The following HIVEP2 variants were observed in gnomAD, a reference collection of about 807,000 sequenced individuals.
HIVEP2 encodes transcription factor HIVEP2.
HIVEP2 carries 14 observed loss-of-function variants against 180.7 expected under a neutral mutation model. The observed-to-expected ratio is 0.08, with a 90% CI of 0.05 to 0.12. The LOEUF is 0.12. Among genes scored for constraint, HIVEP2 ranks in the 10% least tolerant of loss-of-function variants. HIVEP2 has a pLI of 1.00. For missense variants in HIVEP2, 2,579 were observed against 3,008.5 expected (o/e 0.86, Z 3.34); for synonymous variants, 1,184 against 1,136.4 (o/e 1.04, Z -0.84).
At chr6:142,849,025 C>T (rs1270735547) in intron 1 of HIVEP2, among the ~76,000 whole-genome samples, 1 of 152,204 alleles carries the variant, frequency 6.6e-6, no homozygotes, top group Non-Finnish European at 1.5e-5. Context: ...CTGGTGAAAT[C>T]TATTTTTTCC....
chr6:142,896,171 TA>T (rs975877658), intron 1 of HIVEP2, among the ~76,000 whole-genome samples: 67 of 152,352 alleles, frequency 4.4e-4, no homozygotes, highest in African/African-American at 1.5e-3. Context: ...TAAGAGAGGC[TA>T]ATATAGTCAA....
chr6:142,773,097 T>C lies in HIVEP2; in HGVS notation c.1642A>G (p.Thr548Ala). ...ATAGTTAGATTAGTTGCTGAAGAAG[T>C]TGGCACTGAGTTGCTTCTAATAAGG... ...SPLIRSNSVP[T>A]SSATNLTIPP... The change falls in exon 5 of 10, where the codon ACT becomes GCT. Residue 548 changes from threonine to alanine, a missense_variant. Physicochemically the swap from Thr to Ala is moderately conservative, Grantham distance 58 (BLOSUM62 0). This residue lies in a region of HIVEP2 where 524 missense variants were observed against 563.6 expected (regional missense o/e 0.93). Coordinates refer to ENST00000367603, the MANE Select transcript of HIVEP2 (RefSeq NM_006734.4). 6.2e-7 allele frequency: 1 copy of C among 1,614,236 alleles called. No homozygotes were observed. The highest frequency in any genetic ancestry group is 8.5e-7 in the Non-Finnish European group (1 of 1,180,038).
In HIVEP2 at chr6:142,846,221, C is replaced by G. The variant is rs572447097; in HGVS notation, c.-640-9174G>C. 2.0e-5 allele frequency among the ~76,000 whole-genome samples: 3 copies of G among 151,904 alleles called. No individual in the cohort carries two copies. The South Asian group carries it at 6.3e-4, about 32-fold the overall frequency. ...TGTAAATTCCAAGCACTGGGGAGGT[C>G]TTCTCAGAGATTTTACCCTCTCCTG... On this transcript the variant is annotated intron_variant, in intron 1 of 9. Coordinates refer to ENST00000367603, the MANE Select transcript of HIVEP2 (RefSeq NM_006734.4).
At chr6:142,874,510 T>G (rs1315114919) in intron 1 of HIVEP2, among the ~76,000 whole-genome samples, 1 of 152,132 alleles carries the variant, frequency 6.6e-6, no homozygotes, top group Non-Finnish European at 1.5e-5. Flanking sequence ...ACTGAGTATA[T>G]CCTATATGCT....
In HIVEP2 at chr6:142,772,608, T is replaced by C. The variant is rs1413530289; in HGVS notation, c.2131A>G (p.Met711Val). 1 of 1,614,248 alleles carries C rather than the reference T, an allele frequency of 6.2e-7. No individual in the cohort carries two copies. Among genetic ancestry groups the C allele is most frequent in the Non-Finnish European group, 8.5e-7 (1 of 1,180,038 alleles). The part of the protein sequence containing the change: ...KSVGDEEDTP[M>V]ICSSIVSTPV... Reference sequence around the variant, plus strand: ...GTGCTTACAATGCTGCTGCAGATCATGGGCGTGTCCTCTTCATCCCCTACG... The same window carrying C: ...GTGCTTACAATGCTGCTGCAGATCACGGGCGTGTCCTCTTCATCCCCTACG... Residue 711 changes from methionine to valine, a missense_variant, in exon 5 of 10, where the codon ATG becomes GTG. Met to Val is a conservative substitution (Grantham distance 21, BLOSUM62 1). This residue lies in a region of HIVEP2 where 524 missense variants were observed against 563.6 expected (regional missense o/e 0.93). Coordinates refer to ENST00000367603, the MANE Select transcript of HIVEP2 (RefSeq NM_006734.4). The surrounding 1 kb of genome is among the most constrained non-coding windows in gnomAD (Gnocchi z 4.9).
intron 1 of HIVEP2, among the ~76,000 whole-genome samples, chr6:142,881,491 C>T (rs1349219936): frequency 6.6e-6 from 1 of 152,216 alleles, no homozygotes; most frequent in East Asian, 1.9e-4. Flanking sequence ...GAGTACATTC[C>T]TGTGCATCCT....
chr6:142,828,519 C>G (rs1475133329), intron 2 of HIVEP2, among the ~76,000 whole-genome samples: 1 of 152,094 alleles, frequency 6.6e-6, no homozygotes, highest in East Asian at 1.9e-4. Flanking sequence ...TCACTACAAC[C>G]TCCACCTTCT....
rs1775499116 is a variant in HIVEP2, at chr6:142,770,468, C to T, written c.4271G>A (p.Cys1424Tyr). ...PLGLESSIPLCLPSTSDSVAT... is the reference protein window; with the variant it reads ...PLGLESSIPLYLPSTSDSVAT... The stretch of plus-strand genomic sequence containing the variant: ...CACGCTGTCAGAGGTGGAAGGTAAA[C>T]ACAAGGGGATGGAGGATTCTAAGCC... Residue 1424 changes from cysteine to tyrosine, a missense_variant, in exon 5 of 10, where the codon TGT becomes TAT. Physicochemically the swap from Cys to Tyr is radical, Grantham distance 194 (BLOSUM62 -2). This residue lies in a region of HIVEP2 where 523 missense variants were observed against 577.0 expected (regional missense o/e 0.91). Coordinates refer to ENST00000367603, the MANE Select transcript of HIVEP2 (RefSeq NM_006734.4). The surrounding 1 kb of genome is among the most constrained non-coding windows in gnomAD (Gnocchi z 4.7). 1.2e-6 allele frequency: 2 copies of T among 1,614,156 alleles called. No individual in the cohort carries two copies. The highest frequency in any genetic ancestry group is 1.7e-6 in the Non-Finnish European group (2 of 1,180,044).
chr6:142,880,694 C>A (rs1776557555), intron 1 of HIVEP2, among the ~76,000 whole-genome samples: 1 of 152,146 alleles, frequency 6.6e-6, no homozygotes, highest in South Asian at 2.1e-4. Flanking sequence ...GTCCATTTGG[C>A]CTGCGTGGCT....
intron 1 of HIVEP2, among the ~76,000 whole-genome samples, chr6:142,901,564 G>C (rs1364970760): frequency 1.3e-5 from 2 of 151,778 alleles, no homozygotes; most frequent in Admixed American, 6.6e-5. Flanking sequence ...TGTCTATGCT[G>C]CCCCTCCTTT....
At position 142,940,917 on chromosome 6, in the gene HIVEP2, C is replaced by T. The variant is rs111821992; in HGVS notation, c.-641+4182G>A. ...TCTGCTTTCTGCCGAGAATCACCCT[C>T]AGGCACATAAACATCATGTTCATCT... On this transcript the variant is annotated intron_variant, in intron 1 of 9. Transcript: ENST00000367603. Among the ~76,000 whole-genome samples the T allele has an allele frequency of 9.8e-3, 1,500 of 152,290 alleles. 11 individuals are homozygous for T. Among genetic ancestry groups the T allele is most frequent in the Non-Finnish European group, 0.017 (1,178 of 68,002 alleles).
At chr6:142,916,234 A>C (rs550824912) in intron 1 of HIVEP2, among the ~76,000 whole-genome samples, 54 of 152,200 alleles carry the variant, frequency 3.5e-4, no homozygotes, top group Non-Finnish European at 7.5e-4. Flanking sequence ...GCCACCCTCC[A>C]ATTTGTTCAC....
At chr6:142,760,938 C>T (rs1444609116) in intron 8 of HIVEP2, among the ~76,000 whole-genome samples, 4 of 152,094 alleles carry the variant, frequency 2.6e-5, no homozygotes, top group African/African-American at 9.7e-5. Flanking sequence ...CACAGAAAAC[C>T]CTCAACAAAT....
intron 3 of HIVEP2, among the ~76,000 whole-genome samples, chr6:142,780,627 T>C (rs543145963): frequency 6.6e-6 from 1 of 152,324 alleles, no homozygotes; most frequent in East Asian, 1.9e-4. Context: ...ATTTGTCACT[T>C]TTCTACAGCT....
chr6:142,910,742 A>C (rs2128429453), intron 1 of HIVEP2, among the ~76,000 whole-genome samples: 1 of 152,304 alleles, frequency 6.6e-6, no homozygotes, highest in South Asian at 2.1e-4. Flanking sequence ...TATATAAACC[A>C]CTGTTTCTCA....
chr6:142,770,188 CGAG>C lies in HIVEP2; in HGVS notation c.4548_4550del (p.Ser1517del), dbSNP rs764352902. ...AGTCTTGAGATGAGGAGGGCGACAG[CGAG>C]GAGAAGGAAGATGACCCTGACTGCA... On this transcript the variant is annotated inframe_deletion, in exon 5 of 10. Coordinates refer to ENST00000367603, the MANE Select transcript of HIVEP2 (RefSeq NM_006734.4). The surrounding 1 kb of genome is among the most constrained non-coding windows in gnomAD (Gnocchi z 4.7). 9 of 1,614,178 alleles carry C rather than the reference CGAG, an allele frequency of 5.6e-6. 1 individual carries two copies. In the South Asian group the frequency reaches 9.9e-5, roughly 18 times the overall value.
At chr6:142,791,427 C>A (rs1023503531) in intron 2 of HIVEP2, among the ~76,000 whole-genome samples, 3 of 152,098 alleles carry the variant, frequency 2.0e-5, no homozygotes, top group African/African-American at 4.8e-5. Context: ...TATTCAGGTA[C>A]CTCCTTGACA....
chr6:142,846,121 G>A (rs1484180201), intron 1 of HIVEP2, among the ~76,000 whole-genome samples: 2 of 152,238 alleles, frequency 1.3e-5, no homozygotes, highest in Non-Finnish European at 2.9e-5. Context: ...AGGCTGGCCA[G>A]CCGCCAAAGA....
chr6:142,934,802 C>A (rs946851210), intron 1 of HIVEP2, among the ~76,000 whole-genome samples: 3 of 152,176 alleles, frequency 2.0e-5, no homozygotes, highest in Non-Finnish European at 2.9e-5. Context: ...TGAAAGGAAA[C>A]CGTTTCACCC....
Sources: gnomAD v4.1 joint callset for allele counts (sites outside exome capture counted in the v4.1 genomes callset) on GRCh38, gnomAD v4.1.1 for gene constraint, gnomAD v4.1.1 regional missense constraint, Gnocchi (gnomAD v3.1) non-coding constraint, MANE v1.5 for transcripts, NCBI Gene and HGNC (gene_info 2026-07-23, HGNC 2026-07-21) for gene names.